The following TIAM1 variants were observed in gnomAD, a reference collection of about 807,000 sequenced individuals.
TIAM1 encodes the protein TIAM Rac1 associated GEF 1.
TIAM1 carries 65 observed loss-of-function variants against 163.5 expected under a neutral mutation model. The ratio of observed to expected loss-of-function variants is 0.40; its 90% confidence interval spans 0.33 to 0.49. The LOEUF (loss-of-function observed/expected upper bound fraction) is 0.49, where lower values mean the gene tolerates loss of function less well. TIAM1 is among the 20% of genes least tolerant of loss of function. The pLI, the probability that TIAM1 is intolerant of heterozygous loss-of-function variation, is 0.77. For missense variants in TIAM1, 1,789 were observed against 2,044.7 expected, an observed-to-expected ratio of 0.87 and a Z score of 2.41; for synonymous variants, 833 against 810.1, an observed-to-expected ratio of 1.03 and a Z score of -0.48.
intron 2 of TIAM1, among the ~76,000 whole-genome samples, chr21:31,319,021 G>A (rs2075217743): frequency 6.6e-6 from 1 of 152,130 alleles, no homozygotes. Context: ...ATACCACCAT[G>A]CCCAGCTAAA....
intron 9 of TIAM1, among the ~76,000 whole-genome samples, chr21:31,216,704 C>T (rs766415547): frequency 3.9e-5 from 6 of 152,222 alleles, no homozygotes; most frequent in East Asian, 1.9e-4. Context: ...GGCTATGTTG[C>T]GCCCTCACGA....
chr21:31,536,858 G>A (rs1476157060), intron 1 of TIAM1, among the ~76,000 whole-genome samples: 1 of 152,228 alleles, frequency 6.6e-6, no homozygotes, highest in Non-Finnish European at 1.5e-5. Flanking sequence ...CAGGGACCAG[G>A]AGGCCATGTT....
At chr21:31,280,781 C>T (rs1459089061) in intron 2 of TIAM1, among the ~76,000 whole-genome samples, 1 of 145,906 alleles carries the variant, frequency 6.9e-6, no homozygotes, top group African/African-American at 2.5e-5. Context: ...CAAACCAGAA[C>T]TTTCTTTTTC....
At chr21:31,159,872 A>T (rs2083820661) in intron 16 of TIAM1, among the ~76,000 whole-genome samples, 1 of 152,240 alleles carries the variant, frequency 6.6e-6, no homozygotes, top group Non-Finnish European at 1.5e-5. Flanking sequence ...CTGTAGGAAT[A>T]GACCTGTTCA....
chr21:31,389,574 CT>C (rs1315084361), intron 2 of TIAM1, among the ~76,000 whole-genome samples: 2 of 152,234 alleles, frequency 1.3e-5, no homozygotes, highest in African/African-American at 4.8e-5. Context: ...CAGTGGCCGG[CT>C]AGGTTGCTGA....
intron 13 of TIAM1, among the ~76,000 whole-genome samples, chr21:31,194,428 GCTTA>G (rs1175800722): frequency 2.0e-5 from 3 of 152,102 alleles, no homozygotes; most frequent in Admixed American, 1.3e-4. Flanking sequence ...TAGGATAATG[GCTTA>G]CTTATTTTGA....
At chr21:31,385,796 T>C (rs2076857077) in intron 2 of TIAM1, among the ~76,000 whole-genome samples, 1 of 147,442 alleles carries the variant, frequency 6.8e-6, no homozygotes, top group Non-Finnish European at 1.5e-5. Context: ...ATAATAAATT[T>C]TAATAATATT....
intron 2 of TIAM1, among the ~76,000 whole-genome samples, chr21:31,330,727 T>C (rs1369170421): frequency 1.3e-5 from 2 of 152,206 alleles, no homozygotes; most frequent in African/African-American, 4.8e-5. Context: ...TAATAGCAGT[T>C]TGGTGTGGGG....
rs779417904 is a variant in TIAM1 at position 31,141,398 on chromosome 21, G to C, written c.3582C>G (p.Leu1194=). 9 of 1,614,252 alleles carry C rather than the reference G, an allele frequency of 5.6e-6. No individual in the cohort carries two copies. The South Asian group carries it at 9.9e-5, about 18-fold the overall frequency. ...GCTCCCTGAGCAGAAGTGGGTACTT[G>C]AGGATCCTCTGGATGGGCTTGATGA... is the stretch of plus-strand genomic sequence containing the variant. ...SYLIKPIQRI[L]KYPLLLRELF... The change falls in exon 21 of 28, where the codon CTC becomes CTG. Residue 1194 remains leucine (L), a synonymous_variant. Transcript: ENST00000541036. The surrounding 1 kb of genome is among the most constrained non-coding windows in gnomAD (Gnocchi z 4.7).
At chr21:31,508,861 C>T (rs1054343589) in intron 1 of TIAM1, among the ~76,000 whole-genome samples, 19 of 152,152 alleles carry the variant, frequency 1.2e-4, no homozygotes, top group Non-Finnish European at 2.1e-4. Context: ...AGTTCCTGAT[C>T]ACCCCCATGG....
chr21:31,218,377 G>A (rs8133368), intron 8 of TIAM1, among the ~76,000 whole-genome samples: 6,708 of 152,138 alleles, frequency 0.044, 423 homozygotes, highest in African/African-American at 0.15. Context: ...AGACCAGCCT[G>A]GCCAACATGG....
At chr21:31,382,219 T>C (rs1481885265) in intron 2 of TIAM1, among the ~76,000 whole-genome samples, 2 of 152,246 alleles carry the variant, frequency 1.3e-5, no homozygotes, top group East Asian at 3.8e-4. Flanking sequence ...CAGAGACCTC[T>C]GGGGCTAGAT....
At chr21:31,404,987 A>C (rs544105719) in intron 2 of TIAM1, among the ~76,000 whole-genome samples, 21 of 150,852 alleles carry the variant, frequency 1.4e-4, no homozygotes, top group Admixed American at 3.3e-4. Flanking sequence ...CATGCCTGTA[A>C]TCTCAGCACT....
At chr21:31,222,676 C>CATATATAT in intron 8 of TIAM1, among the ~76,000 whole-genome samples, 15 of 48,238 alleles carry the variant, frequency 3.1e-4, no homozygotes, top group South Asian at 1.4e-3. Context: ...TGTACACATA[C>CATATATAT]ATATATATAT....
intron 2 of TIAM1, among the ~76,000 whole-genome samples, chr21:31,415,690 C>T (rs2043348195): frequency 6.6e-6 from 1 of 152,208 alleles, no homozygotes; most frequent in African/African-American, 2.4e-5. Context: ...AGCTTCTACA[C>T]CCTTTTCTTC....
chr21:31,213,059 T>A, intron 10 of TIAM1: 2 of 239,918 alleles, frequency 8.3e-6, no homozygotes, highest in Non-Finnish European at 8.0e-6. Flanking sequence ...AACACACCTC[T>A]TGGGAAGAGA....
chr21:31,551,224 C>T lies in TIAM1; in HGVS notation c.-422+7703G>A, dbSNP rs536425769. On this transcript the variant is annotated intron_variant, in intron 1 of 28. Coordinates refer to the TIAM1 transcript ENST00000286827. ...GTGAGACTCCATCTCAAAACAAAAA[C>T]AAAAACAAGAATAAAAGAAAAAAGA... 2.0e-5 allele frequency among the ~76,000 whole-genome samples: 3 copies of T among 150,630 alleles called. No individual in the cohort carries two copies. In the East Asian group the frequency reaches 5.9e-4, roughly 30 times the overall value.
intron 2 of TIAM1, among the ~76,000 whole-genome samples, chr21:31,450,124 T>C (rs926841454): frequency 6.6e-6 from 1 of 152,086 alleles, no homozygotes; most frequent in South Asian, 2.1e-4. Context: ...GCTACCCTTT[T>C]CCCCACTGCC....
intron 2 of TIAM1, among the ~76,000 whole-genome samples, chr21:31,422,873 A>G (rs1602240861): frequency 1.3e-5 from 2 of 152,240 alleles, no homozygotes; most frequent in African/African-American, 4.8e-5. Context: ...ATTCCCTAGC[A>G]TGCTTAAGGG....
Sources: allele counts gnomAD v4.1 joint callset (sites outside exome capture counted in the v4.1 genomes callset), GRCh38; gene constraint gnomAD v4.1.1; non-coding constraint Gnocchi (gnomAD v3.1); transcripts MANE v1.5; gene names NCBI Gene and HGNC (gene_info 2026-07-23, HGNC 2026-07-21).